Variants in NELL1 observed in about 807,000 individuals in gnomAD.
The protein encoded by NELL1 is protein kinase C-binding protein NELL1.
Under a neutral mutation model 107.4 loss-of-function variants are expected in NELL1, and 76 were observed. The ratio of observed to expected loss-of-function variants is 0.71; its 90% CI spans 0.59 to 0.86. The LOEUF (loss-of-function observed/expected upper bound fraction) is 0.86. Among genes scored for constraint, NELL1 ranks in the 40% least tolerant of loss-of-function variants. The probability of loss-of-function intolerance (pLI) is 0.00; values close to 1 mark genes in which losing one functional copy is unlikely to be tolerated. For synonymous variants in NELL1, 353 were observed against 341.2 expected (o/e 1.03, Z -0.38); for missense variants, 1,024 against 1,005.5 (o/e 1.02, Z -0.25).
chr11:20,914,099 CCAGCACTGGTT>C (rs1272021071), intron 5 of NELL1, among the ~76,000 whole-genome samples: 2 of 151,970 alleles, frequency 1.3e-5, no homozygotes, highest in Non-Finnish European at 2.9e-5. Context: ...TTGTAGTGAC[CCAGCACTGGTT>C]TTGGAGTGTT....
intron 12 of NELL1, among the ~76,000 whole-genome samples, chr11:21,087,917 T>A (rs937054067): frequency 1.3e-5 from 2 of 152,202 alleles, no homozygotes; most frequent in Non-Finnish European, 2.9e-5. Context: ...CCAGAAAGAC[T>A]GTTACTATCT....
chr11:21,112,713 T>G (rs1855136118), intron 12 of NELL1, among the ~76,000 whole-genome samples: 1 of 152,020 alleles, frequency 6.6e-6, no homozygotes, highest in Non-Finnish European at 1.5e-5. Flanking sequence ...ATGAGGATAC[T>G]TGGACCCAGA....
chr11:20,979,782 G>T (rs544250095), intron 12 of NELL1, among the ~76,000 whole-genome samples: 1 of 152,198 alleles, frequency 6.6e-6, no homozygotes, highest in Non-Finnish European at 1.5e-5. Context: ...AGTAGGTATT[G>T]CTTCTGAGCC....
At chr11:20,876,671 A>G (rs911981185) in intron 4 of NELL1, among the ~76,000 whole-genome samples, 1 of 152,294 alleles carries the variant, frequency 6.6e-6, no homozygotes, top group Non-Finnish European at 1.5e-5. Context: ...AGGCTGAGGC[A>G]GGAGAATGGC....
At chr11:21,238,105 C>T (rs1034059993) in intron 14 of NELL1, among the ~76,000 whole-genome samples, 26 of 152,018 alleles carry the variant, frequency 1.7e-4, no homozygotes, top group African/African-American at 5.1e-4. Context: ...GTAGACTTCT[C>T]ATTTCTACTT....
At position 20,822,540 on chromosome 11, in the gene NELL1, G is replaced by T. The variant is rs143134206; in HGVS notation, c.336-25043G>T. Among the ~76,000 whole-genome samples the T allele has an allele frequency of 4.3e-3, 649 of 152,284 alleles. 3 individuals are homozygous for T. Among genetic ancestry groups the T allele is most frequent in the Middle Eastern group, 6.8e-3 (2 of 294 alleles). On this transcript the variant is annotated intron_variant, in intron 3 of 19. Coordinates refer to ENST00000357134, the MANE Select transcript of NELL1 (RefSeq NM_006157.5). ...CCAGGGCCTGCAGGTGTGGGTGGGT[G>T]AAACACCTCAGAGATGTTTTAATAG...
At chr11:21,009,469 A>C (rs899159885) in intron 12 of NELL1, among the ~76,000 whole-genome samples, 2 of 152,050 alleles carry the variant, frequency 1.3e-5, no homozygotes, top group Non-Finnish European at 2.9e-5. Context: ...TTCTCATAGG[A>C]CACATCTGTG....
At chr11:21,204,865 C>A (rs1857354173) in intron 13 of NELL1, among the ~76,000 whole-genome samples, 1 of 151,984 alleles carries the variant, frequency 6.6e-6, no homozygotes, top group Admixed American at 6.6e-5. Context: ...TCTAACAGGC[C>A]CCTCTGCTGC....
chr11:20,715,001 C>T (rs1047274782), intron 2 of NELL1, among the ~76,000 whole-genome samples: 34 of 151,964 alleles, frequency 2.2e-4, no homozygotes, highest in East Asian at 9.7e-4. Context: ...CCCAGTACTT[C>T]GGGAGGCCAA....
intron 13 of NELL1, among the ~76,000 whole-genome samples, chr11:21,190,608 C>T (rs1438592766): frequency 6.6e-6 from 1 of 151,768 alleles, no homozygotes; most frequent in Non-Finnish European, 1.5e-5. Context: ...GCTCAGTTCC[C>T]ATTCTTAAGT....
chr11:20,847,394 G>T (rs756564460), intron 3 of NELL1, among the ~76,000 whole-genome samples, 189 bp from the exon 4 acceptor site: 1 of 152,144 alleles, frequency 6.6e-6, no homozygotes, highest in Non-Finnish European at 1.5e-5. Context: ...TCAAGATGTT[G>T]CCACGAGGGT....
chr11:21,491,955 A>T (rs553140253), intron 15 of NELL1, among the ~76,000 whole-genome samples: 1 of 151,992 alleles, frequency 6.6e-6, no homozygotes, highest in Non-Finnish European at 1.5e-5. Flanking sequence ...ATTCTCTTTG[A>T]AGCAACTGTG....
chr11:21,433,834 C>A (rs899316954), intron 15 of NELL1, among the ~76,000 whole-genome samples: 2 of 151,996 alleles, frequency 1.3e-5, no homozygotes, highest in Non-Finnish European at 2.9e-5. Context: ...GGCCACCATG[C>A]CCAGCTAATT....
At chr11:20,837,532 A>C (rs900766159) in intron 3 of NELL1, among the ~76,000 whole-genome samples, 1 of 152,186 alleles carries the variant, frequency 6.6e-6, no homozygotes, top group Non-Finnish European at 1.5e-5. Flanking sequence ...TTCGCATACC[A>C]TTCTCCAGTA....
chr11:21,031,075 T>C (rs1034113094), intron 12 of NELL1, among the ~76,000 whole-genome samples: 7 of 152,176 alleles, frequency 4.6e-5, no homozygotes, highest in African/African-American at 1.7e-4. Context: ...GTATTATACT[T>C]TCAATATAAT....
At chr11:21,227,126 C>G (rs1857914735) in intron 13 of NELL1, among the ~76,000 whole-genome samples, 1 of 152,168 alleles carries the variant, frequency 6.6e-6, no homozygotes, top group Non-Finnish European at 1.5e-5. Context: ...AAACCTTGAT[C>G]ATTTGTGAAA....
At chr11:21,519,478 T>A (rs1269081345) in intron 15 of NELL1, among the ~76,000 whole-genome samples, 1 of 152,108 alleles carries the variant, frequency 6.6e-6, no homozygotes, top group Non-Finnish European at 1.5e-5. Context: ...CCAACAGTGA[T>A]TTACCCCTTG....
At chr11:21,298,882 C>T (rs571366842) in intron 14 of NELL1, among the ~76,000 whole-genome samples, 2 of 151,950 alleles carry the variant, frequency 1.3e-5, no homozygotes, top group African/African-American at 4.8e-5. Context: ...AATCACCTTT[C>T]CCCCGAAAAA....
chr11:21,477,102 A>T (rs1433559576), intron 15 of NELL1, among the ~76,000 whole-genome samples: 5 of 152,104 alleles, frequency 3.3e-5, no homozygotes. Flanking sequence ...GGGACATGTG[A>T]TGTAGTGAGA....
Sources: allele counts gnomAD v4.1 joint callset (sites outside exome capture counted in the v4.1 genomes callset), GRCh38; gene constraint gnomAD v4.1.1; transcripts MANE v1.5; gene names NCBI Gene and HGNC (gene_info 2026-07-23, HGNC 2026-07-21).